The following EML4 variants were observed in gnomAD, a reference collection of about 807,000 sequenced individuals.
EML4 encodes echinoderm microtubule-associated protein-like 4.
Under a neutral mutation model 129.0 loss-of-function variants are expected in EML4, and 72 were observed. The observed-to-expected ratio is 0.56, with a 90% CI of 0.46 to 0.68. EML4 has a LOEUF of 0.68. Among genes scored for constraint, EML4 ranks in the 30% least tolerant of loss-of-function variants. The probability of loss-of-function intolerance (pLI) is 0.00; values close to 1 mark genes in which losing one functional copy is unlikely to be tolerated. For missense variants in EML4, 1,363 were observed against 1,190.6 expected, an observed-to-expected ratio of 1.14 and a Z score of -2.13; for synonymous variants, 532 against 405.0, an observed-to-expected ratio of 1.31 and a Z score of -3.77.
Position 42,212,737 on chromosome 2 carries a change from T to A in EML4, c.26-32768T>A, listed in dbSNP as rs111245160. Among the ~76,000 whole-genome samples the A allele has an allele frequency of 5.3e-4, 81 of 152,200 alleles. 1 individual carries two copies. Among genetic ancestry groups the A allele is most frequent in the Non-Finnish European group, 9.7e-4 (66 of 68,026 alleles). On this transcript the variant is annotated intron_variant, in intron 1 of 22. Coordinates refer to ENST00000318522, the MANE Select transcript of EML4 (RefSeq NM_019063.5). ...CATGCATTTCTATATCTTTATCACA[T>A]TTTCCAGTGTTTCTCCCAGGGCACC...
chr2:42,299,252 A>G (rs1668137078), intron 13 of EML4, among the ~76,000 whole-genome samples: 2 of 152,228 alleles, frequency 1.3e-5, no homozygotes, highest in Non-Finnish European at 2.9e-5. Context: ...TTGTACCACT[A>G]GCATACTCAA....
intron 2 of EML4, among the ~76,000 whole-genome samples, chr2:42,247,287 A>C (rs1467387958): frequency 6.6e-6 from 1 of 152,190 alleles, no homozygotes; most frequent in East Asian, 1.9e-4. Context: ...CTTTAGGTGC[A>C]AAGATAGGTC....
chr2:42,198,080 G>T (rs1379395110), intron 1 of EML4, among the ~76,000 whole-genome samples: 1 of 152,192 alleles, frequency 6.6e-6, no homozygotes, highest in Non-Finnish European at 1.5e-5. Flanking sequence ...TTGCTTATCA[G>T]TGACTTTACT....
rs1296875912 is a variant in EML4 at position 42,331,369 on chromosome 2, A to C, written c.*1162A>C. On this transcript the variant is annotated 3_prime_UTR_variant, in exon 23 of 23. Coordinates refer to ENST00000318522, the MANE Select transcript of EML4 (RefSeq NM_019063.5). ...CTTGTAAGTCTAATGTGGCTATCCT[A>C]CTCTTTTGGGCAATGCATGTATTAT... 3 of 223,654 alleles carry C rather than the reference A, an allele frequency of 1.3e-5. No homozygotes were observed. Among genetic ancestry groups the C allele is most frequent in the Admixed American group, 5.7e-5 (1 of 17,420 alleles). The allele number at this position is 223,654 out of a possible 1,614,324, so 13.9% of individuals were successfully genotyped here. A position where few individuals can be genotyped will look rare whatever the true frequency, so the allele number is the denominator to read the frequency against.
intron 9 of EML4, among the ~76,000 whole-genome samples, chr2:42,285,067 CTTAA>C (rs71408093): frequency 7.2e-4 from 108 of 149,882 alleles, no homozygotes; most frequent in Middle Eastern, 3.4e-3. Context: ...TATTTACTTT[CTTAA>C]TTAATTAATT....
rs1050759458 is a variant in EML4 at position 42,177,609 on chromosome 2, C to T, written c.25+7973C>T. Reference sequence around the variant, plus strand: ...CTGGGCTCCAACCTGGGTGACACAGCGAGACCCCGTCTCAAACAAGCAAAC... The same window carrying T: ...CTGGGCTCCAACCTGGGTGACACAGTGAGACCCCGTCTCAAACAAGCAAAC... On this transcript the variant is annotated intron_variant, in intron 1 of 22. Coordinates refer to ENST00000318522, the MANE Select transcript of EML4 (RefSeq NM_019063.5). Among the ~76,000 whole-genome samples, 3 of 152,050 alleles carry T rather than the reference C, an allele frequency of 2.0e-5. No individual in the cohort carries two copies. The East Asian group carries it at 5.8e-4, about 29-fold the overall frequency.
intron 2 of EML4, among the ~76,000 whole-genome samples, chr2:42,253,570 G>A (rs984002612): frequency 3.9e-5 from 6 of 152,118 alleles, no homozygotes; most frequent in African/African-American, 1.2e-4. Context: ...AGAGAGACTC[G>A]AGATAAACTC....
intron 1 of EML4, among the ~76,000 whole-genome samples, chr2:42,174,776 T>C (rs1032600886): frequency 3.9e-5 from 6 of 152,226 alleles, no homozygotes; most frequent in African/African-American, 1.2e-4. Flanking sequence ...AGATAAATTA[T>C]TATACTTTTA....
intron 1 of EML4, among the ~76,000 whole-genome samples, chr2:42,193,251 G>A (rs1558489678): frequency 6.6e-6 from 1 of 152,190 alleles, no homozygotes; most frequent in Non-Finnish European, 1.5e-5. Context: ...GTCTGTAGTA[G>A]GCTATACCAT....
At chr2:42,279,864 G>C (rs1666909897) in intron 6 of EML4, among the ~76,000 whole-genome samples, 1 of 151,954 alleles carries the variant, frequency 6.6e-6, no homozygotes, top group South Asian at 2.1e-4. Context: ...GCATTTCTCT[G>C]ATGATTAGTG....
At chr2:42,261,051 C>G (rs1159776736) in intron 3 of EML4, 70 bp from the exon 4 acceptor site, 6 of 1,206,332 alleles carry the variant, frequency 5.0e-6, no homozygotes, top group South Asian at 4.6e-5. Context: ...ATAATAATCA[C>G]TTTTCTATCG....
intron 1 of EML4, among the ~76,000 whole-genome samples, chr2:42,171,551 T>G (rs949014108): frequency 2.6e-5 from 4 of 152,230 alleles, no homozygotes; most frequent in African/African-American, 9.6e-5. Context: ...GAAGATGAAT[T>G]GCAGTTGGGG....
rs753403466 is a variant in EML4, at chr2:42,295,404, G to A, written c.1377G>A (p.Val459=). The change falls in exon 13 of 23, where the codon GTG becomes GTA. Residue 459 remains valine (V), a synonymous_variant. Transcript: ENST00000318522. ...AGAAATATGAAAAGCCAAAATTTGTGCAGTGTTTAGCATTCTTGGGGAATG... is the reference window on the plus strand; with the variant it reads ...AGAAATATGAAAAGCCAAAATTTGTACAGTGTTTAGCATTCTTGGGGAATG... The part of the protein sequence containing the change: ...IFGKYEKPKF[V]QCLAFLGNGD... 14 of 1,612,528 alleles carry A rather than the reference G, an allele frequency of 8.7e-6. No individual in the cohort carries two copies. In the East Asian group the frequency reaches 2.9e-4, roughly 33 times the overall value.
intron 2 of EML4, among the ~76,000 whole-genome samples, chr2:42,247,063 C>T (rs1255682415): frequency 6.6e-6 from 1 of 152,082 alleles, no homozygotes; most frequent in African/African-American, 2.4e-5. Flanking sequence ...TGTTGAAGGC[C>T]AGTTTTAATT....
chr2:42,302,532 ACTT>A (rs1668345378), intron 14 of EML4, among the ~76,000 whole-genome samples: 1 of 150,090 alleles, frequency 6.7e-6, no homozygotes, highest in Non-Finnish European at 1.5e-5. Flanking sequence ...AATAGAACTT[ACTT>A]CTTTTTTTTT....
At chr2:42,169,846 C>T (rs1433587109) in intron 1 of EML4, 4 of 469,540 alleles carry the variant, frequency 8.5e-6, no homozygotes, top group East Asian at 3.6e-5. Context: ...TCAGACCCTC[C>T]TTTCCTCCCG....
chr2:42,310,559 T>C (rs1425270974), intron 17 of EML4, among the ~76,000 whole-genome samples: 1 of 152,206 alleles, frequency 6.6e-6, no homozygotes, highest in East Asian at 1.9e-4. Flanking sequence ...TTGGTCAAGC[T>C]GGTCTTGAAC....
intron 1 of EML4, among the ~76,000 whole-genome samples, chr2:42,239,845 A>G (rs549589268): frequency 1.3e-5 from 2 of 152,136 alleles, no homozygotes; most frequent in Non-Finnish European, 2.9e-5. Context: ...CTCAGAAAAT[A>G]TATTCATTTA....
At chr2:42,214,335 A>T (rs1010941884) in intron 1 of EML4, among the ~76,000 whole-genome samples, 1 of 152,200 alleles carries the variant, frequency 6.6e-6, no homozygotes, top group African/African-American at 2.4e-5. Flanking sequence ...AGTTTTTATT[A>T]TAAGGCGTTT....
Sources: gnomAD v4.1 joint callset for allele counts (sites outside exome capture counted in the v4.1 genomes callset) on GRCh38, gnomAD v4.1.1 for gene constraint, MANE v1.5 for transcripts, NCBI Gene and HGNC (gene_info 2026-07-23, HGNC 2026-07-21) for gene names.